Variants in TTN observed in about 807,000 individuals in gnomAD.
TTN encodes titin.
In TTN, 1,525 loss-of-function variants were observed where a neutral mutation model predicts 3,223.0. That is an observed-to-expected ratio of 0.47 (90% CI 0.45 to 0.49). The LOEUF (loss-of-function observed/expected upper bound fraction) is 0.49, where lower values mean the gene tolerates loss of function less well. Ranked by LOEUF, TTN falls within the 20% of genes least tolerant of loss-of-function variation. The pLI is 0.00. For synonymous variants in TTN, 14,094 were observed against 15,161.0 expected (o/e 0.93, Z 5.17); for missense variants, 40,786 against 43,424.0 (o/e 0.94, Z 5.40).
rs1478502182 is a variant in TTN, at chr2:178,684,671, G to T, written c.32633C>A (p.Ala10878Asp). The T allele has an allele frequency of 6.2e-7, 1 of 1,606,528 alleles. No individual in the cohort carries two copies. Among genetic ancestry groups the T allele is most frequent in the Non-Finnish European group, 8.5e-7 (1 of 1,177,942 alleles). ...TGCTGGGGAGGTTTGTTTACCTTTG[G>T]CTGGGAGAGGTTCTTCCATCTTAAT... is the stretch of plus-strand genomic sequence containing the variant. ...KVIKMEEPLP[A>D]KVTERHMQIT... The change falls in exon 131 of 363, where the codon GCC (alanine) becomes GAC (aspartate). Residue 10878 changes from alanine to aspartate, a missense_variant. Transcript: ENST00000589042.
chr2:178,671,702 T>C lies in TTN; in HGVS notation c.35227+269A>G, dbSNP rs1042465675. On this transcript the variant is annotated intron_variant, in intron 155 of 362. Transcript: ENST00000589042. ...TCAGTTATTTTGGTACCTGTAACAA[T>C]TGTGTAACATTCTTAGTCAGATTTA... is the stretch of plus-strand genomic sequence containing the variant. Among the ~76,000 whole-genome samples the C allele has an allele frequency of 7.2e-5, 11 of 151,762 alleles. No individual in the cohort carries two copies. In the South Asian group the frequency reaches 1.2e-3, roughly 17 times the overall value.
Position 178,554,901 on chromosome 2 carries a change from C to G in TTN, c.88558G>C (p.Gly29520Arg). 1.2e-6 allele frequency: 2 copies of G among 1,613,814 alleles called. No individual in the cohort carries two copies. The highest frequency in any genetic ancestry group is 1.7e-6 in the Non-Finnish European group (2 of 1,179,818). The change falls in exon 331 of 363, where the codon GGC (glycine) becomes CGC (arginine). Residue 29520 changes from glycine (G) to arginine (R), a missense_variant. Physicochemically the swap from Gly to Arg is moderately radical, Grantham distance 125 (BLOSUM62 -2). Coordinates refer to ENST00000589042, the MANE Select transcript of TTN (RefSeq NM_001267550.2). Reference sequence around the variant, plus strand: ...ACTCTGATGGTGGCTGAGGCTGAGCCCATGGCATTCCTTAGTTTTAATTCA... The same window carrying G: ...ACTCTGATGGTGGCTGAGGCTGAGCGCATGGCATTCCTTAGTTTTAATTCA... ...CYELKLRNAM[G>R]SASATIRVQI...
intron 9 of TTN, among the ~76,000 whole-genome samples, chr2:178,792,578 G>A (rs1454866995): frequency 6.6e-6 from 1 of 152,180 alleles, no homozygotes; most frequent in East Asian, 1.9e-4. Context: ...AATTTTGTCT[G>A]ATCTTTTTAT....
intron 308 of TTN, among the ~76,000 whole-genome samples, chr2:178,586,214 ATGTT>A (rs1576008241): frequency 6.6e-6 from 1 of 152,202 alleles, no homozygotes; most frequent in East Asian, 1.9e-4. Flanking sequence ...TTTTCTTCAT[ATGTT>A]TGTTGTACAG....
Position 178,654,213 on chromosome 2 carries a change from G to A in TTN, c.38375C>T (p.Ala12792Val), listed in dbSNP as rs750718327. The change falls in exon 193 of 363, where the codon GCA becomes GTA. Residue 12792 changes from alanine (A) to valine (V), a missense_variant. Transcript: ENST00000589042. The stretch of plus-strand genomic sequence containing the variant: ...AGAGGAGAGGGAATAAATACCTTTT[G>A]CACGTGGGGCTTCCGGTTTTTTGGG... ...AVPKKPEAPR[A>V]KVPEAAQEVV... 2.5e-6 allele frequency: 4 copies of A among 1,595,788 alleles called. No homozygotes were observed. Among genetic ancestry groups the A allele is most frequent in the Non-Finnish European group, 3.4e-6 (4 of 1,177,916 alleles).
chr2:178,718,313 TC>T lies in TTN; in HGVS notation c.24784+8del. 1 of 1,608,292 alleles carries T rather than the reference TC, an allele frequency of 6.2e-7. No individual in the cohort carries two copies. The highest frequency in any genetic ancestry group is 8.5e-7 in the Non-Finnish European group (1 of 1,176,208). ...AGAGAGCAATAAAAAGAGGTAGCTG[TC>T]AACACACCTAAGACAGACACCAGAG... On this transcript the variant is annotated splice_region_variant and intron_variant, in intron 85 of 362. Coordinates refer to ENST00000589042, the MANE Select transcript of TTN (RefSeq NM_001267550.2).
chr2:178,785,156 G>A (rs2154351270), intron 15 of TTN, among the ~76,000 whole-genome samples: 1 of 152,180 alleles, frequency 6.6e-6, no homozygotes, highest in Non-Finnish European at 1.5e-5. Context: ...CCACCATACA[G>A]TACCACCTCT....
chr2:178,626,516 C>A (rs1283394322), intron 240 of TTN, among the ~76,000 whole-genome samples: 3 of 151,856 alleles, frequency 2.0e-5, no homozygotes, highest in African/African-American at 7.2e-5. Context: ...AGTTTTTCAC[C>A]AGTGGAACTA....
chr2:178,601,981 G>A lies in TTN; in HGVS notation c.55269+21C>T, dbSNP rs569436927. The A allele has an allele frequency of 2.9e-5, 46 of 1,612,598 alleles. No individual in the cohort carries two copies. In the African/African-American group the frequency reaches 3.7e-4, roughly 13 times the overall value. ...TTATAGTGATTCAGTGGAAAAAAGA[G>A]GAGAATGGTTATTTTCCTACCTTCA... On this transcript the variant is annotated intron_variant, in intron 284 of 362. Transcript: ENST00000589042.
intron 156 of TTN, 138 bp from the exon 157 acceptor site, chr2:178,670,433 G>T: frequency 2.4e-6 from 1 of 414,056 alleles, no homozygotes; most frequent in Non-Finnish European, 4.2e-6. Flanking sequence ...ATACATTACA[G>T]TATTTCAAAT....
Position 178,583,921 on chromosome 2 carries a change from G to C in TTN, c.65276-15C>G. ...CCCAGGAGGATCTAAAACAAAAAGA[G>C]GTACACTCACCATTTATCTTACCAG... is the stretch of plus-strand genomic sequence containing the variant. On this transcript the variant is annotated splice_polypyrimidine_tract_variant and intron_variant, in intron 311 of 362. Transcript: ENST00000589042. 2.6e-6 allele frequency: 4 copies of C among 1,524,864 alleles called. No individual in the cohort carries two copies. The highest frequency in any genetic ancestry group is 3.5e-6 in the Non-Finnish European group (4 of 1,132,596). 94.5% of individuals were successfully genotyped at this position (1,524,864 alleles called of 1,614,324 possible).
In TTN at chr2:178,719,272, A is replaced by T; in HGVS notation, c.24118T>A (p.Cys8040Ser). The change falls in exon 83 of 363, where the codon TGT becomes AGT. Residue 8040 changes from cysteine (C) to serine (S), a missense_variant. Transcript: ENST00000589042. ...TCCAACAAGCTCAGATTCAAAGTAC[A>T]GACGTTTTCCGAAAAGCTGGACTGA... The part of the protein sequence containing the change: ...KCQSSFSENV[C>S]TLNLSLLEPS... 6.2e-7 allele frequency: 1 copy of T among 1,613,794 alleles called. No homozygotes were observed. Among genetic ancestry groups the T allele is most frequent in the South Asian group, 1.1e-5 (1 of 91,076 alleles).
At position 178,718,309 on chromosome 2, in the gene TTN, G is replaced by T. The variant is rs2154299467; in HGVS notation, c.24784+13C>A. 13 of 1,607,298 alleles carry T rather than the reference G, an allele frequency of 8.1e-6. No individual in the cohort carries two copies. The highest frequency in any genetic ancestry group is 9.4e-6 in the Non-Finnish European group (11 of 1,175,760). On this transcript the variant is annotated intron_variant, in intron 85 of 362. Coordinates refer to ENST00000589042, the MANE Select transcript of TTN (RefSeq NM_001267550.2). ...AGAAAGAGAGCAATAAAAAGAGGTA[G>T]CTGTCAACACACCTAAGACAGACAC...
rs772960128 is a variant in TTN at position 178,776,072 on chromosome 2, T to A, written c.5792A>T (p.Gln1931Leu). 7 of 1,614,086 alleles carry A rather than the reference T, an allele frequency of 4.3e-6. No individual in the cohort carries two copies. Among genetic ancestry groups the A allele is most frequent in the Non-Finnish European group, 3.4e-6 (4 of 1,180,020 alleles). Reference protein sequence around the residue: ...IEHKVKLEIQQREDFRSVLRR... With the variant: ...IEHKVKLEIQLREDFRSVLRR... ...AAGGACAGACCTAAAATCTTCCCTC[T>A]GTTGAATCTCAAGCTTCACTTTATG... is the stretch of plus-strand genomic sequence containing the variant. Residue 1931 changes from glutamine (Q) to leucine (L), a missense_variant, in exon 28 of 363, where the codon CAG (glutamine) becomes CTG (leucine). Transcript: ENST00000589042.
intron 138 of TTN, 92 bp from the exon 139 acceptor site, chr2:178,680,423 G>A: frequency 2.9e-6 from 3 of 1,028,188 alleles, no homozygotes; most frequent in Non-Finnish European, 4.5e-6. Flanking sequence ...ATAGAATAAT[G>A]TATCTTCCTT....
chr2:178,762,657 A>G (rs2089512827), intron 43 of TTN, among the ~76,000 whole-genome samples: 1 of 152,232 alleles, frequency 6.6e-6, no homozygotes, highest in Non-Finnish European at 1.5e-5. Flanking sequence ...CTTTTAAAAT[A>G]TATTTTGTAT....
intron 336 of TTN, chr2:178,550,685 C>T (rs1389368275): frequency 6.7e-6 from 3 of 450,748 alleles, no homozygotes; most frequent in Non-Finnish European, 1.2e-5. Flanking sequence ...TCTCGAGAAC[C>T]TTTTCTTTAT....
At position 178,632,625 on chromosome 2, in the gene TTN, T is replaced by C; in HGVS notation, c.43381A>G (p.Lys14461Glu). The change falls in exon 235 of 363, where the codon AAG (lysine) becomes GAG (glutamate). Residue 14461 changes from lysine to glutamate, a missense_variant. Lys to Glu is a moderately conservative substitution (Grantham distance 56). Transcript: ENST00000589042. ...GCTGACTTGATCACCATTGAATGCT[T>C]AGTGCCATCCTTTATAAGCTCAAAT... Reference protein sequence around the residue: ...DRFELIKDGTKHSMVIKSAAF... With the variant: ...DRFELIKDGTEHSMVIKSAAF... The C allele has an allele frequency of 6.2e-7, 1 of 1,613,518 alleles. No homozygotes were observed. Among genetic ancestry groups the C allele is most frequent in the Non-Finnish European group, 8.5e-7 (1 of 1,179,602 alleles).
Position 178,567,349 on chromosome 2 carries a change from A to C in TTN, c.78783T>G (p.Gly26261=). 1 of 1,598,582 alleles carries C rather than the reference A, an allele frequency of 6.3e-7. No individual in the cohort carries two copies. Among genetic ancestry groups the C allele is most frequent in the Non-Finnish European group, 8.5e-7 (1 of 1,174,408 alleles). ...LIVKDAIRID[G]GQYILRASNV... ...TGGAAGCTCTTAAAATATACTGCCC[A>C]CCATCAATTCTAATTGCATCTTTTA... The change falls in exon 326 of 363, where the codon GGT becomes GGG. Residue 26261 remains glycine, a synonymous_variant. Coordinates refer to ENST00000589042, the MANE Select transcript of TTN (RefSeq NM_001267550.2).
Sources: gnomAD v4.1 joint callset for allele counts (sites outside exome capture counted in the v4.1 genomes callset) on GRCh38, gnomAD v4.1.1 for gene constraint, MANE v1.5 for transcripts, NCBI Gene and HGNC (gene_info 2026-07-23, HGNC 2026-07-21) for gene names.